DUSP8: variants seen among roughly 807,000 people sequenced by gnomAD.
DUSP8 encodes dual specificity phosphatase 8.
A neutral mutation model predicts 38.7 loss-of-function variants in DUSP8; 15 were observed. That is an observed-to-expected ratio of 0.39 (90% confidence interval 0.26 to 0.60). The LOEUF (loss-of-function observed/expected upper bound fraction) is 0.60. Among genes scored for constraint, DUSP8 ranks in the 20% least tolerant of loss-of-function variants. The pLI is 0.56. For synonymous variants in DUSP8, 458 were observed against 433.9 expected (o/e 1.06, Z -0.69); for missense variants, 768 against 915.0 (o/e 0.84, Z 2.07).
rs1285214527 is a variant in DUSP8 at position 1,557,186 on chromosome 11, G to T, written c.1210C>A (p.Pro404Thr). ...CCGGGGCCGTCGGGCCGCCTGCTAGGGGCGTAGGCAGACTTGATGTCCAGG... is the reference window on the plus strand; with the variant it reads ...CCGGGGCCGTCGGGCCGCCTGCTAGTGGCGTAGGCAGACTTGATGTCCAGG... ...FSLDIKSAYAPSRRPDGPGPP... is the reference protein window; with the variant it reads ...FSLDIKSAYATSRRPDGPGPP... The change falls in exon 7 of 7, where the codon CCT (proline) becomes ACT (threonine). Residue 404 changes from proline to threonine, a missense_variant. This residue lies in a region of DUSP8 where 474 missense variants were observed against 430.8 expected (regional missense o/e 1.10). Coordinates refer to ENST00000397374, the MANE Select transcript of DUSP8 (RefSeq NM_004420.3). This position sits in a 1 kb window ranked among gnomAD's most constrained non-coding sequence, Gnocchi z 9.9. 6.8e-7 allele frequency: 1 copy of T among 1,472,240 alleles called. No homozygotes were observed. The highest frequency in any genetic ancestry group is 2.6e-5 in the Admixed American group (1 of 38,632). The allele number at this position is 1,472,240 out of a possible 1,614,324, so 91.2% of individuals were successfully genotyped here.
Position 1,555,234 on chromosome 11 carries a change from G to A in DUSP8, c.*1284C>T. The A allele has an allele frequency of 1.0e-6, 1 of 987,868 alleles. No homozygotes were observed. The highest frequency in any genetic ancestry group is 1.1e-4 in the East Asian group (1 of 8,810). 61.2% of individuals were successfully genotyped at this position (987,868 alleles called of 1,614,324 possible). ...GCCACTTGTGTTTGGGGGCTGGCAT[G>A]CCACCTAGAGAGAGAGCACCCTGGG... On this transcript the variant is annotated 3_prime_UTR_variant, in exon 7 of 7. Coordinates refer to ENST00000397374, the MANE Select transcript of DUSP8 (RefSeq NM_004420.3).
chr11:1,566,563 G>C (rs1292737832), intron 1 of DUSP8, among the ~76,000 whole-genome samples: 1 of 152,178 alleles, frequency 6.6e-6, no homozygotes, highest in Non-Finnish European at 1.5e-5. Flanking sequence ...CTCAGGCACA[G>C]AGGCACGGCT....
At chr11:1,563,376 G>A (rs1848751998) in intron 3 of DUSP8, among the ~76,000 whole-genome samples, 1 of 152,150 alleles carries the variant, frequency 6.6e-6, no homozygotes, top group South Asian at 2.1e-4. Context: ...AGGGCTTGGG[G>A]CCAGTTGCCC....
chr11:1,570,783 C>A (rs1176903738), intron 1 of DUSP8, among the ~76,000 whole-genome samples: 1 of 152,090 alleles, frequency 6.6e-6, no homozygotes, highest in African/African-American at 2.4e-5. Flanking sequence ...AGGGCTGGGG[C>A]CTGGGGTGCT....
chr11:1,572,508 A>G (rs532337809), upstream of DUSP8, among the ~76,000 whole-genome samples: 122 of 151,392 alleles, frequency 8.1e-4, no homozygotes, highest in African/African-American at 2.9e-3. The surrounding 1 kb of genome is among the most constrained non-coding windows in gnomAD (Gnocchi z 4.7). Flanking sequence ...CGGCTCTTAA[A>G]GGGACCACGC....
rs1374838794 is a variant in DUSP8, at chr11:1,565,907, G to T, written c.-81C>A. 5 of 1,196,574 alleles carry T rather than the reference G, an allele frequency of 4.2e-6. No homozygotes were observed. The highest frequency in any genetic ancestry group is 3.0e-5 in the African/African-American group (2 of 67,070). 74.1% of individuals were successfully genotyped at this position (1,196,574 alleles called of 1,614,324 possible). ...GACGGCCCAGGTGTGGCCTCGCGCTGGGAGTGACCTAGCACATGGTGCTGG... is the reference window on the plus strand; with the variant it reads ...GACGGCCCAGGTGTGGCCTCGCGCTTGGAGTGACCTAGCACATGGTGCTGG... On this transcript the variant is annotated 5_prime_UTR_variant, in exon 2 of 7. Transcript: ENST00000397374.
rs796518494 is a variant in DUSP8 at position 1,556,789 on chromosome 11, C to G, written c.1607G>C (p.Gly536Ala). Residue 536 changes from glycine (G) to alanine (A), a missense_variant, in exon 7 of 7, where the codon GGG becomes GCG. Physicochemically the swap from Gly to Ala is moderately conservative, Grantham distance 60. This residue lies in a region of DUSP8 where 474 missense variants were observed against 430.8 expected (regional missense o/e 1.10). Coordinates refer to ENST00000397374, the MANE Select transcript of DUSP8 (RefSeq NM_004420.3). The surrounding 1 kb of genome is among the most constrained non-coding windows in gnomAD (Gnocchi z 5.2). Reference sequence around the variant, plus strand: ...CCGGCCGAAGGGCGCAAACAGCACCCCGCCCGCCCCCTGTGCGCCCTCGGG... The same window carrying G: ...CCGGCCGAAGGGCGCAAACAGCACCGCGCCCGCCCCCTGTGCGCCCTCGGG... Reference protein sequence around the residue: ...FSPEGAQGAGGVLFAPFGRAG... With the variant: ...FSPEGAQGAGAVLFAPFGRAG... The G allele has an allele frequency of 2.3e-5, 27 of 1,180,544 alleles. No individual in the cohort carries two copies. In the South Asian group the frequency reaches 1.1e-3, roughly 47 times the overall value. The allele number at this position is 1,180,544 out of a possible 1,614,324, so 73.1% of individuals were successfully genotyped here.
rs1203176267 is a variant in DUSP8 at position 1,564,726 on chromosome 11, G to C, written c.232-737C>G. Among the ~76,000 whole-genome samples the C allele has an allele frequency of 2.0e-5, 3 of 152,204 alleles. No individual in the cohort carries two copies. In the East Asian group the frequency reaches 5.8e-4, roughly 29 times the overall value. On this transcript the variant is annotated intron_variant, in intron 2 of 6. Transcript: ENST00000397374. ...CAGCCAATGGGATCGCACTCTGCCGGGAGTCCTTGCTGGGGGTCATTAATC... is the reference window on the plus strand; with the variant it reads ...CAGCCAATGGGATCGCACTCTGCCGCGAGTCCTTGCTGGGGGTCATTAATC...
At chr11:1,571,086 C>T (rs948525486) in intron 1 of DUSP8, among the ~76,000 whole-genome samples, 1 of 152,172 alleles carries the variant, frequency 6.6e-6, no homozygotes, top group African/African-American at 2.4e-5. Flanking sequence ...CACCCCGCAG[C>T]AGGGAGACGG....
intron 3 of DUSP8, among the ~76,000 whole-genome samples, chr11:1,560,578 G>A (rs932452883): frequency 6.6e-6 from 1 of 152,208 alleles, no homozygotes; most frequent in Admixed American, 6.5e-5. Flanking sequence ...AGTCTCTTCT[G>A]TGGGAACCTG....
chr11:1,558,991 T>C lies in DUSP8; in HGVS notation c.435A>G (p.Leu145=). 6.2e-7 allele frequency: 1 copy of C among 1,611,512 alleles called. No individual in the cohort carries two copies. The highest frequency in any genetic ancestry group is 8.5e-7 in the Non-Finnish European group (1 of 1,179,620). Residue 145 remains leucine (L), a synonymous_variant, in exon 4 of 7, where the codon CTA becomes CTG. Transcript: ENST00000397374. The surrounding 1 kb of genome is among the most constrained non-coding windows in gnomAD (Gnocchi z 6.3). ...GLCEGKPAAL[L]PMSLSQPCLP... ...GGCAGGGCTGGGAGAGGCTCATGGG[T>C]AGCAGGGCAGCAGGCTTGCCCTCGC...
intron 1 of DUSP8, among the ~76,000 whole-genome samples, chr11:1,568,543 T>C (rs1237843485): frequency 6.6e-6 from 1 of 152,120 alleles, no homozygotes; most frequent in Non-Finnish European, 1.5e-5. Context: ...ACAGCAGAGG[T>C]GCCAGGCAAC....
At position 1,557,613 on chromosome 11, in the gene DUSP8, G is replaced by A. The variant is rs748327126; in HGVS notation, c.822-39C>T. The A allele has an allele frequency of 1.3e-6, 2 of 1,495,872 alleles. No homozygotes were observed. Among genetic ancestry groups the A allele is most frequent in the East Asian group, 4.8e-5 (2 of 41,498 alleles). The allele number at this position is 1,495,872 out of a possible 1,614,324, so 92.7% of individuals were successfully genotyped here. On this transcript the variant is annotated intron_variant, in intron 6 of 6. Transcript: ENST00000397374. This position sits in a 1 kb window ranked among gnomAD's most constrained non-coding sequence, Gnocchi z 9.9. ...GGCTCAGTCCCAGGCGCCCGCCGGGGCCAGGCTGCCCACCTGACGCACCCG... is the reference window on the plus strand; with the variant it reads ...GGCTCAGTCCCAGGCGCCCGCCGGGACCAGGCTGCCCACCTGACGCACCCG...
At chr11:1,568,408 C>T (rs573365927) in intron 1 of DUSP8, among the ~76,000 whole-genome samples, 1 of 152,130 alleles carries the variant, frequency 6.6e-6, no homozygotes, top group African/African-American at 2.4e-5. Context: ...CTGGCCTTTA[C>T]CTGGCCCTGC....
intron 1 of DUSP8, among the ~76,000 whole-genome samples, chr11:1,567,673 C>A (rs1421437130): frequency 6.6e-6 from 1 of 152,248 alleles, no homozygotes; most frequent in East Asian, 1.9e-4. Context: ...GGATGGGCAG[C>A]CTCAGCTGAC....
At position 1,557,299 on chromosome 11, in the gene DUSP8, G is replaced by A. The variant is rs1233947343; in HGVS notation, c.1097C>T (p.Ala366Val). ...GEPPAPPTPP[A>V]TSALQQGLRG... ...CAGGCCCTGCTGCAGTGCGCTGGTC[G>A]CCGGGGGCGTGGGGGGCGCGGGGGG... The change falls in exon 7 of 7, where the codon GCG (alanine) becomes GTG (valine). Residue 366 changes from alanine (A) to valine (V), a missense_variant. Transcript: ENST00000397374. The surrounding 1 kb of genome is among the most constrained non-coding windows in gnomAD (Gnocchi z 9.9). The A allele has an allele frequency of 2.5e-5, 37 of 1,471,380 alleles. No individual in the cohort carries two copies. The highest frequency in any genetic ancestry group is 1.1e-4 in the South Asian group (8 of 75,492). The allele number at this position is 1,471,380 out of a possible 1,614,324, so 91.1% of individuals were successfully genotyped here. A position where few individuals can be genotyped will look rare whatever the true frequency, so the allele number is the denominator to read the frequency against.
chr11:1,562,577 G>A (rs563336239), intron 3 of DUSP8, among the ~76,000 whole-genome samples: 3 of 152,230 alleles, frequency 2.0e-5, no homozygotes, highest in Admixed American at 2.0e-4. Flanking sequence ...ATACCTCCAT[G>A]TATATACATG....
intron 1 of DUSP8, among the ~76,000 whole-genome samples, chr11:1,566,740 C>A (rs2878210): frequency 0.54 from 82,278 of 152,128 alleles, 22,660 homozygotes; most frequent in African/African-American, 0.56. Flanking sequence ...TGATAGGGCC[C>A]AGGATGGGAG....
intron 1 of DUSP8, among the ~76,000 whole-genome samples, chr11:1,566,520 G>T (rs938535529): frequency 3.3e-5 from 5 of 152,172 alleles, no homozygotes; most frequent in Admixed American, 2.6e-4. Flanking sequence ...GGGCTCCCGG[G>T]GGCAGCCGGA....
Sources: gnomAD v4.1 joint callset for allele counts (sites outside exome capture counted in the v4.1 genomes callset) on GRCh38, gnomAD v4.1.1 for gene constraint, gnomAD v4.1.1 regional missense constraint, Gnocchi (gnomAD v3.1) non-coding constraint, MANE v1.5 for transcripts, NCBI Gene and HGNC (gene_info 2026-07-23, HGNC 2026-07-21) for gene names.